TRAPPC8: variants seen among roughly 807,000 people sequenced by gnomAD.
TRAPPC8 encodes the protein general sporulation gene 1 homolog.
In TRAPPC8, 54 loss-of-function variants were observed where a neutral mutation model predicts 174.3. The ratio of observed to expected loss-of-function variants is 0.31; its 90% CI spans 0.25 to 0.39. The LOEUF is 0.39. Among genes scored for constraint, TRAPPC8 ranks in the 10% least tolerant of loss-of-function variants. TRAPPC8 has a pLI of 1.00. For missense variants in TRAPPC8, 1,531 were observed against 1,699.1 expected (o/e 0.90, Z 1.74); for synonymous variants, 630 against 579.9 (o/e 1.09, Z -1.24).
chr18:31,905,133 C>T (rs942178447), intron 9 of TRAPPC8, among the ~76,000 whole-genome samples: 3 of 151,862 alleles, frequency 2.0e-5, no homozygotes, highest in Non-Finnish European at 4.4e-5. Flanking sequence ...TAATTTTCAT[C>T]TAAAAAGGCA....
chr18:31,923,783 GT>G (rs1227859614), intron 2 of TRAPPC8, among the ~76,000 whole-genome samples: 5 of 151,656 alleles, frequency 3.3e-5, no homozygotes, highest in African/African-American at 1.2e-4. Flanking sequence ...CTGGTGTGTA[GT>G]TTAATCCTAC....
Position 31,857,919 on chromosome 18 carries a change from A to G in TRAPPC8, c.2809T>C (p.Phe937Leu). The change falls in exon 20 of 29, where the codon TTT becomes CTT. Residue 937 changes from phenylalanine to leucine, a missense_variant. Physicochemically the swap from Phe to Leu is conservative, Grantham distance 22. Coordinates refer to ENST00000283351, the MANE Select transcript of TRAPPC8 (RefSeq NM_014939.5). ...AGTGGACATTTGCTGACATTGACAA[A>G]TTCTACATATGCTTTTCGGATTTCT... The part of the protein sequence containing the change: ...CGEIRKAYVE[F>L]VNVSKCPLTG... 6.2e-7 allele frequency: 1 copy of G among 1,614,214 alleles called. No homozygotes were observed. Among genetic ancestry groups the G allele is most frequent in the Non-Finnish European group, 8.5e-7 (1 of 1,180,030 alleles).
In TRAPPC8 at chr18:31,839,284, AT is replaced by A. The variant is rs371021138; in HGVS notation, c.3983+27del. ...TACACGTGCCAGTGTGTTGTAGAAAATTTTGGTAACAAAAATAAAGCTCAAA... is the reference window on the plus strand; with the variant it reads ...TACACGTGCCAGTGTGTTGTAGAAAATTTGGTAACAAAAATAAAGCTCAAA... On this transcript the variant is annotated intron_variant, in intron 27 of 28. Transcript: ENST00000283351. 7.2e-4 allele frequency: 1,137 copies of A among 1,585,376 alleles called. 8 individuals are homozygous for A. In the African/African-American group the frequency reaches 9.0e-3, roughly 13 times the overall value.
intron 19 of TRAPPC8, among the ~76,000 whole-genome samples, chr18:31,860,762 C>A (rs1228059659): frequency 6.6e-6 from 1 of 152,176 alleles, no homozygotes; most frequent in African/African-American, 2.4e-5. Flanking sequence ...TCCCTATTCT[C>A]TTACAAGAAA....
intron 19 of TRAPPC8, among the ~76,000 whole-genome samples, chr18:31,861,323 T>C (rs1039947244): frequency 6.6e-6 from 1 of 152,122 alleles, no homozygotes; most frequent in African/African-American, 2.4e-5. Flanking sequence ...TATAACAAAA[T>C]TTTTCTAAAA....
chr18:31,900,816 T>A, intron 10 of TRAPPC8, 109 bp downstream of exon 10: 1 of 793,166 alleles, frequency 1.3e-6, no homozygotes, highest in Non-Finnish European at 1.9e-6. Context: ...CCTCAACTTG[T>A]CTCCGACTAT....
chr18:31,939,833 A>T (rs951413789), intron 1 of TRAPPC8: 7 of 152,208 alleles, frequency 4.6e-5, no homozygotes, highest in Non-Finnish European at 1.0e-4. Flanking sequence ...ATTGCACTCC[A>T]GCCCTCCCAG....
chr18:31,935,771 CG>C (rs1457796168), intron 1 of TRAPPC8, among the ~76,000 whole-genome samples: 3 of 150,624 alleles, frequency 2.0e-5, no homozygotes, highest in Admixed American at 1.3e-4. Context: ...AGTCTCGCTC[CG>C]TCACCCAGGC....
chr18:31,933,813 AAG>A (rs1555682273), intron 1 of TRAPPC8, among the ~76,000 whole-genome samples: 153 of 152,154 alleles, frequency 1.0e-3, no homozygotes, highest in African/African-American at 3.6e-3. Context: ...ACTAAAAAAA[AAG>A]ACTCAAAAAC....
chr18:31,862,250 T>C (rs150506100), intron 19 of TRAPPC8, among the ~76,000 whole-genome samples: 1 of 151,966 alleles, frequency 6.6e-6, no homozygotes, highest in African/African-American at 2.4e-5. Context: ...ATTATTATTG[T>C]GGGAACTTGC....
chr18:31,837,324 T>TAA (rs71175796), intron 27 of TRAPPC8, among the ~76,000 whole-genome samples: 1 of 149,858 alleles, frequency 6.7e-6, no homozygotes, highest in African/African-American at 2.5e-5. Context: ...CGTTACTATG[T>TAA]AAAAAAAAAA....
At chr18:31,922,082 TTTAAG>T (rs1481436043) in intron 2 of TRAPPC8, among the ~76,000 whole-genome samples, 5 of 152,204 alleles carry the variant, frequency 3.3e-5, no homozygotes, top group African/African-American at 1.2e-4. Context: ...TTTATTGTGT[TTTAAG>T]TAAAGTAAGG....
chr18:31,940,030 T>C (rs1285293009), intron 1 of TRAPPC8, among the ~76,000 whole-genome samples: 1 of 152,196 alleles, frequency 6.6e-6, no homozygotes, highest in Non-Finnish European at 1.5e-5. Flanking sequence ...ATGTGACTAG[T>C]ACAAATTGAG....
At chr18:31,858,874 G>A (rs1714079014) in intron 19 of TRAPPC8, among the ~76,000 whole-genome samples, 1 of 151,426 alleles carries the variant, frequency 6.6e-6, no homozygotes, top group African/African-American at 2.5e-5. Flanking sequence ...GGATCCCAGA[G>A]TTGGTGGATC....
chr18:31,909,212 T>G lies in TRAPPC8; in HGVS notation c.866-202A>C, dbSNP rs543653068. Among the ~76,000 whole-genome samples, 4 of 152,218 alleles carry G rather than the reference T, an allele frequency of 2.6e-5. 1 individual carries two copies. The South Asian group carries it at 8.3e-4, about 32-fold the overall frequency. On this transcript the variant is annotated intron_variant, in intron 6 of 28. Coordinates refer to ENST00000283351, the MANE Select transcript of TRAPPC8 (RefSeq NM_014939.5). ...TTGAGTTAATATTTGTTTTGGTACC[T>G]GTATTAGTAATTTGAAAATCGGTAT... is the stretch of plus-strand genomic sequence containing the variant.
intron 26 of TRAPPC8, among the ~76,000 whole-genome samples, chr18:31,842,525 C>A (rs2033163170): frequency 6.6e-6 from 1 of 152,196 alleles, no homozygotes; most frequent in Non-Finnish European, 1.5e-5. Flanking sequence ...TGTGGGTAAG[C>A]AGAACCTACT....
At chr18:31,915,634 C>T (rs1244242881) in intron 4 of TRAPPC8, among the ~76,000 whole-genome samples, 4 of 151,926 alleles carry the variant, frequency 2.6e-5, no homozygotes, top group Middle Eastern at 3.2e-3. Context: ...TGGTGGCTCA[C>T]GCCTGTAATC....
chr18:31,912,751 A>C (rs951630514), intron 5 of TRAPPC8, among the ~76,000 whole-genome samples: 13 of 152,218 alleles, frequency 8.5e-5, no homozygotes, highest in African/African-American at 3.1e-4. Context: ...ATAATGAATT[A>C]AACAGACAAG....
chr18:31,871,520 A>T (rs2034861863), intron 14 of TRAPPC8, among the ~76,000 whole-genome samples: 2 of 151,914 alleles, frequency 1.3e-5, no homozygotes, highest in Non-Finnish European at 2.9e-5. Flanking sequence ...TCCTCTCTGC[A>T]CCACCCCCAA....
Sources: gnomAD v4.1 joint callset for allele counts (sites outside exome capture counted in the v4.1 genomes callset) on GRCh38, gnomAD v4.1.1 for gene constraint, MANE v1.5 for transcripts, NCBI Gene and HGNC (gene_info 2026-07-23, HGNC 2026-07-21) for gene names.